RASGRF1: variants seen among roughly 807,000 people sequenced by gnomAD.
The protein encoded by RASGRF1 is Ras protein specific guanine nucleotide releasing factor 1, also known as ras-specific guanine nucleotide-releasing factor 1.
In RASGRF1, 40 loss-of-function variants were observed where a neutral mutation model predicts 138.7. The observed-to-expected ratio is 0.29, with a 90% CI of 0.22 to 0.38. The LOEUF (loss-of-function observed/expected upper bound fraction) is 0.38, where lower values mean the gene tolerates loss of function less well. RASGRF1 is among the 10% of genes least tolerant of loss of function. RASGRF1 has a pLI of 1.00. For missense variants in RASGRF1, 1,108 were observed against 1,650.4 expected, an observed-to-expected ratio of 0.67 and a Z score of 5.69; for synonymous variants, 614 against 663.2, an observed-to-expected ratio of 0.93 and a Z score of 1.14.
At chr15:79,075,799 G>A (rs1329773791) in intron 1 of RASGRF1, among the ~76,000 whole-genome samples, 1 of 152,170 alleles carries the variant, frequency 6.6e-6, no homozygotes, top group African/African-American at 2.4e-5. Context: ...GTCTGGGTCT[G>A]GCAGTGAAGC....
intron 5 of RASGRF1, among the ~76,000 whole-genome samples, chr15:79,042,586 C>A (rs1006744387): frequency 6.6e-6 from 1 of 152,208 alleles, no homozygotes; most frequent in Non-Finnish European, 1.5e-5. Context: ...GGAGAGAATT[C>A]CAACCCATTA....
At chr15:79,026,162 C>G (rs2057047408) in intron 9 of RASGRF1, among the ~76,000 whole-genome samples, 1 of 152,204 alleles carries the variant, frequency 6.6e-6, no homozygotes, top group African/African-American at 2.4e-5. Context: ...CACTGAGGTC[C>G]ACAGCTCCTC....
intron 4 of RASGRF1, among the ~76,000 whole-genome samples, chr15:79,049,242 T>A (rs1243112427): frequency 6.6e-6 from 1 of 152,098 alleles, no homozygotes; most frequent in Non-Finnish European, 1.5e-5. Context: ...CCCCACTCCT[T>A]CCTCTTGTGG....
chr15:78,980,219 G>A (rs1232544472), intron 24 of RASGRF1: 1 of 157,146 alleles, frequency 6.4e-6, no homozygotes, highest in East Asian at 1.8e-4. Context: ...TTTTGATGAT[G>A]AATTCTGGAG....
chr15:79,051,474 C>T (rs2057429867), intron 3 of RASGRF1, among the ~76,000 whole-genome samples: 1 of 151,716 alleles, frequency 6.6e-6, no homozygotes, highest in Non-Finnish European at 1.5e-5. Flanking sequence ...TACACACACA[C>T]ACACCGCCTT....
intron 10 of RASGRF1, among the ~76,000 whole-genome samples, chr15:79,021,892 G>A (rs2056966550): frequency 2.6e-5 from 4 of 152,178 alleles, no homozygotes; most frequent in Admixed American, 6.5e-5. Flanking sequence ...ATACAAGTTC[G>A]TTATTCATAA....
intron 2 of RASGRF1, among the ~76,000 whole-genome samples, chr15:79,063,398 C>T (rs566279911): frequency 1.1e-4 from 16 of 152,310 alleles, no homozygotes; most frequent in South Asian, 2.1e-4. Context: ...GGCTCAAGGA[C>T]GGGCCCTAGG....
At chr15:79,082,925 A>G (rs1336941798) in intron 1 of RASGRF1, among the ~76,000 whole-genome samples, 1 of 152,182 alleles carries the variant, frequency 6.6e-6, no homozygotes, top group African/African-American at 2.4e-5. Flanking sequence ...CAGTCTTGTC[A>G]TAAAGGTGGA....
chr15:79,063,336 A>G lies in RASGRF1; in HGVS notation c.383+1084T>C, dbSNP rs79337276. On this transcript the variant is annotated intron_variant, in intron 2 of 26. Coordinates refer to ENST00000558480, the MANE Select transcript of RASGRF1 (RefSeq NM_001145648.3). ...TAGAGATGGCCTTATCTCAGGGCCA[A>G]TGTCATTGCTATAGTCATAATAAGG... 1.5e-3 allele frequency among the ~76,000 whole-genome samples: 229 copies of G among 152,298 alleles called. 1 individual carries two copies. The highest frequency in any genetic ancestry group is 5.2e-3 in the African/African-American group (218 of 41,560).
chr15:78,975,824 C>T (rs28427472), intron 24 of RASGRF1, among the ~76,000 whole-genome samples: 2,440 of 152,252 alleles, frequency 0.016, 28 homozygotes, highest in Middle Eastern at 0.024. Context: ...CCGGCCAGCT[C>T]TTCATTTCCT....
intron 24 of RASGRF1, chr15:78,979,077 G>A (rs1404510421): frequency 1.6e-6 from 2 of 1,290,298 alleles, no homozygotes; most frequent in Admixed American, 2.3e-5. Flanking sequence ...TGGTGCCCCG[G>A]GGGCGGACGG....
At chr15:79,004,417 C>T (rs558010688) in intron 14 of RASGRF1, among the ~76,000 whole-genome samples, 1 of 152,166 alleles carries the variant, frequency 6.6e-6, no homozygotes, top group Non-Finnish European at 1.5e-5. Flanking sequence ...TCCGCCCCCC[C>T]ACCCCCTCAG....
intron 3 of RASGRF1, 40 bp from the exon 4 acceptor site, chr15:79,049,628 C>T (rs2057403000): frequency 1.9e-6 from 3 of 1,564,212 alleles, no homozygotes; most frequent in Non-Finnish European, 2.6e-6. Context: ...GGGGCGCTGG[C>T]TCACAGAGGC....
chr15:79,037,681 A>T (rs1436732779), intron 5 of RASGRF1, among the ~76,000 whole-genome samples: 2 of 151,366 alleles, frequency 1.3e-5, no homozygotes, highest in Non-Finnish European at 2.9e-5. Context: ...CTGGTTTCAA[A>T]CTCCTGACCT....
At chr15:79,049,679 G>A in intron 3 of RASGRF1, 91 bp from the exon 4 acceptor site, 3 of 1,052,624 alleles carry the variant, frequency 2.9e-6, no homozygotes, top group Non-Finnish European at 4.2e-6. Context: ...CAGGGTGGCA[G>A]CCGAGTGCCC....
intron 1 of RASGRF1, among the ~76,000 whole-genome samples, chr15:79,084,801 C>T (rs1207581791): frequency 1.3e-5 from 2 of 152,224 alleles, no homozygotes; most frequent in Non-Finnish European, 2.9e-5. Context: ...TCTCCCCTCT[C>T]TACTGGTGAC....
At chr15:79,086,005 C>T (rs2057974514) in intron 1 of RASGRF1, among the ~76,000 whole-genome samples, 1 of 152,200 alleles carries the variant, frequency 6.6e-6, no homozygotes. Flanking sequence ...ATTACTGTGC[C>T]TCTTCAACTT....
chr15:78,999,823 GC>G lies in RASGRF1; in HGVS notation c.2665del (p.Ala889ProfsTer4). ...NNRSALSAAS[A>X]FAIATAGANE... is the part of the protein sequence containing the mutation. ...GGCCCCGGCGGTTGCTATGGCAAAG[GC>G]AGAGGCGGCCGACAAGGCACTGCGG... On this transcript the variant is annotated frameshift_variant, in exon 17 of 27. Transcript: ENST00000558480. LOFTEE classifies it high-confidence loss of function. The G allele has an allele frequency of 6.2e-7, 1 of 1,614,196 alleles. No homozygotes were observed. Among genetic ancestry groups the G allele is most frequent in the Non-Finnish European group, 8.5e-7 (1 of 1,180,018 alleles).
rs764502610 is a variant in RASGRF1, at chr15:79,032,168, G to A, written c.1107C>T (p.Cys369=). ...GGAAGGTCTCCAGCGTCCTCTCCTC[G>A]CAGTCAGGCTTGGCCTCGTAGTGCT... The part of the protein sequence containing the change: ...LLKHYEAKPD[C]EERTLETFLT... The change falls in exon 7 of 27, where the codon TGC becomes TGT. Residue 369 remains cysteine (C), a synonymous_variant. Coordinates refer to ENST00000558480, the MANE Select transcript of RASGRF1 (RefSeq NM_001145648.3). The surrounding 1 kb of genome is among the most constrained non-coding windows in gnomAD (Gnocchi z 4.5). The A allele has an allele frequency of 4.8e-5, 77 of 1,613,924 alleles. No homozygotes were observed. In the Middle Eastern group the frequency reaches 4.9e-4, roughly 10 times the overall value.
Sources: gnomAD v4.1 joint callset for allele counts (sites outside exome capture counted in the v4.1 genomes callset) on GRCh38, gnomAD v4.1.1 for gene constraint, Gnocchi (gnomAD v3.1) non-coding constraint, MANE v1.5 for transcripts, NCBI Gene and HGNC (gene_info 2026-07-23, HGNC 2026-07-21) for gene names.